SLC2A13: variants seen among roughly 807,000 people sequenced by gnomAD.
SLC2A13 encodes solute carrier family 2 member 13.
Under a neutral mutation model 64.4 loss-of-function variants are expected in SLC2A13, and 32 were observed. The ratio of observed to expected loss-of-function variants is 0.50; its 90% CI spans 0.37 to 0.67. SLC2A13 has a LOEUF of 0.67. Among genes scored for constraint, SLC2A13 ranks in the 30% least tolerant of loss-of-function variants. SLC2A13 has a pLI of 0.00. For synonymous variants in SLC2A13, 338 were observed against 327.1 expected (o/e 1.03, Z -0.36); for missense variants, 743 against 829.2 (o/e 0.90, Z 1.28).
At chr12:39,997,616 G>A (rs1319875397) in intron 3 of SLC2A13, among the ~76,000 whole-genome samples, 1 of 152,134 alleles carries the variant, frequency 6.6e-6, no homozygotes. Flanking sequence ...AGATCACGAG[G>A]TCAAGAGATC....
At chr12:40,093,947 A>C (rs1302180050) in intron 1 of SLC2A13, among the ~76,000 whole-genome samples, 1 of 152,140 alleles carries the variant, frequency 6.6e-6, no homozygotes, top group Non-Finnish European at 1.5e-5. Context: ...TCTGGCTCTC[A>C]TGTGTATAAA....
In SLC2A13 at chr12:39,764,596, A is replaced by G. The variant is rs761378933; in HGVS notation, c.1584T>C (p.Pro528=). The G allele has an allele frequency of 6.2e-6, 10 of 1,602,844 alleles. No individual in the cohort carries two copies. In the South Asian group the frequency reaches 1.1e-4, roughly 18 times the overall value. The change falls in exon 9 of 10, where the codon CCT becomes CCC. Residue 528 remains proline, a synonymous_variant. Coordinates refer to ENST00000280871, the MANE Select transcript of SLC2A13 (RefSeq NM_052885.4). ...VFFAPGMGPM[P]WTVNSEIYPL... is the part of the protein sequence containing the mutation. ...GATATATTTCAGAATTCACAGTCCA[A>G]GGCATTGGTCCCATTCCTGAGAAAT...
intron 4 of SLC2A13, among the ~76,000 whole-genome samples, chr12:39,945,134 G>A (rs1470670984): frequency 6.6e-6 from 1 of 152,104 alleles, no homozygotes; most frequent in Non-Finnish European, 1.5e-5. Context: ...AGTTTCTCTG[G>A]AAACAAAATT....
chr12:39,867,532 T>C (rs529393702), intron 5 of SLC2A13, among the ~76,000 whole-genome samples: 3 of 152,250 alleles, frequency 2.0e-5, no homozygotes, highest in Admixed American at 2.0e-4. Context: ...ATGGTACAAC[T>C]ATCCTAAATG....
At chr12:39,903,482 C>T (rs1355159896) in intron 4 of SLC2A13, among the ~76,000 whole-genome samples, 3 of 152,000 alleles carry the variant, frequency 2.0e-5, no homozygotes, top group Non-Finnish European at 4.4e-5. Flanking sequence ...CTGAAAAATG[C>T]CATTCTAGGC....
chr12:39,773,293 A>G (rs1940652114), intron 7 of SLC2A13, among the ~76,000 whole-genome samples: 1 of 152,174 alleles, frequency 6.6e-6, no homozygotes, highest in Admixed American at 6.5e-5. Flanking sequence ...AATATGTCTC[A>G]TTTTGGCTGA....
intron 4 of SLC2A13, among the ~76,000 whole-genome samples, chr12:39,896,356 A>G (rs868326752): frequency 1.3e-4 from 18 of 135,384 alleles, no homozygotes; most frequent in East Asian, 6.4e-4. Flanking sequence ...ATGTATGTAT[A>G]TGTGTATATA....
chr12:39,965,999 C>T (rs988859625), intron 3 of SLC2A13, among the ~76,000 whole-genome samples: 28 of 151,742 alleles, frequency 1.8e-4, no homozygotes, highest in Middle Eastern at 3.4e-3. Flanking sequence ...CTATGGGATG[C>T]GGGGCTTGAC....
rs1355683599 is a variant in SLC2A13, at chr12:39,980,552, C to T, written c.926-29187G>A. ...GTCTCTGATAAAGCAGACTTTAAAC[C>T]AACAAAGATCAAAAGAGACAAAGAA... On this transcript the variant is annotated intron_variant, in intron 3 of 9. Coordinates refer to ENST00000280871, the MANE Select transcript of SLC2A13 (RefSeq NM_052885.4). Among the ~76,000 whole-genome samples, 1,295 of 151,604 alleles carry T rather than the reference C, an allele frequency of 8.5e-3. 13 individuals are homozygous for T. Among genetic ancestry groups the T allele is most frequent in the Non-Finnish European group, 0.013 (912 of 67,872 alleles).
At chr12:39,795,193 C>CCTCT (rs915409309) in intron 7 of SLC2A13, among the ~76,000 whole-genome samples, 2 of 150,266 alleles carry the variant, frequency 1.3e-5, no homozygotes, top group African/African-American at 4.9e-5. Context: ...TCTCCCCCCA[C>CCTCT]CTCTCTCTCT....
rs73101828 is a variant in SLC2A13, at chr12:40,037,964, T to G, written c.717-9455A>C. Among the ~76,000 whole-genome samples, 922 of 152,342 alleles carry G rather than the reference T, an allele frequency of 6.1e-3. 9 individuals carry two copies. Among genetic ancestry groups the G allele is most frequent in the African/African-American group, 0.019 (803 of 41,572 alleles). The stretch of plus-strand genomic sequence containing the variant: ...AATCAGTCGTAGCCAGTGTATCAAT[T>G]TGATTAATCTTTTCAAAGAACCAAC... On this transcript the variant is annotated intron_variant, in intron 2 of 9. Transcript: ENST00000280871.
At chr12:40,082,865 C>G (rs1938458773) in intron 1 of SLC2A13, among the ~76,000 whole-genome samples, 1 of 152,196 alleles carries the variant, frequency 6.6e-6, no homozygotes, top group South Asian at 2.1e-4. Flanking sequence ...AGGAGCTGCT[C>G]AGGGTCAGGA....
chr12:39,818,926 C>T (rs1009511284), intron 7 of SLC2A13, among the ~76,000 whole-genome samples: 1 of 152,096 alleles, frequency 6.6e-6, no homozygotes, highest in Non-Finnish European at 1.5e-5. Flanking sequence ...TGCCTGTTTC[C>T]TAAGCCAATT....
At chr12:39,800,089 T>C (rs1278994097) in intron 7 of SLC2A13, among the ~76,000 whole-genome samples, 1 of 152,164 alleles carries the variant, frequency 6.6e-6, no homozygotes, top group Non-Finnish European at 1.5e-5. Context: ...CCCATCCCAA[T>C]CTTCTAGGTA....
At chr12:39,957,855 A>G (rs1490730251) in intron 3 of SLC2A13, among the ~76,000 whole-genome samples, 1 of 152,070 alleles carries the variant, frequency 6.6e-6, no homozygotes, top group Non-Finnish European at 1.5e-5. Context: ...CATGCTAGGG[A>G]CAGAAACGTG....
intron 7 of SLC2A13, among the ~76,000 whole-genome samples, chr12:39,808,376 A>G (rs1328810672): frequency 6.6e-6 from 1 of 151,538 alleles, no homozygotes. Flanking sequence ...GTAATTTCCA[A>G]TTTTGTCCAT....
intron 1 of SLC2A13, among the ~76,000 whole-genome samples, chr12:40,090,532 C>T (rs1488246265): frequency 6.6e-6 from 1 of 152,098 alleles, no homozygotes; most frequent in Non-Finnish European, 1.5e-5. Flanking sequence ...AGCAGCTATC[C>T]ATAGGCAAAG....
intron 7 of SLC2A13, among the ~76,000 whole-genome samples, chr12:39,823,902 T>C (rs544493331): frequency 2.6e-5 from 4 of 152,242 alleles, no homozygotes; most frequent in Non-Finnish European, 4.4e-5. Flanking sequence ...TTTGTGTTAA[T>C]GTAAATTGCA....
intron 1 of SLC2A13, among the ~76,000 whole-genome samples, chr12:40,082,818 T>C (rs1398267853): frequency 6.6e-6 from 1 of 152,008 alleles, no homozygotes; most frequent in East Asian, 1.9e-4. Context: ...GTAACGAGAG[T>C]GGGCCACTCC....
Sources: gnomAD v4.1 joint callset for allele counts (sites outside exome capture counted in the v4.1 genomes callset) on GRCh38, gnomAD v4.1.1 for gene constraint, MANE v1.5 for transcripts, NCBI Gene and HGNC (gene_info 2026-07-23, HGNC 2026-07-21) for gene names.